AP2B1: variants seen among roughly 807,000 people sequenced by gnomAD.
The protein encoded by AP2B1 is AP-2 complex subunit beta.
AP2B1 carries 23 observed loss-of-function variants against 102.0 expected under a neutral mutation model. The ratio of observed to expected loss-of-function variants is 0.23; its 90% confidence interval spans 0.16 to 0.32. AP2B1 has a LOEUF of 0.32. Among genes scored for constraint, AP2B1 ranks in the 10% least tolerant of loss-of-function variants. The pLI is 1.00. For synonymous variants in AP2B1, 381 were observed against 421.2 expected, an observed-to-expected ratio of 0.90 and a Z score of 1.17; for missense variants, 541 against 1,157.4, an observed-to-expected ratio of 0.47 and a Z score of 7.73.
At chr17:35,588,201 C>T (rs2072963427) in intron 1 of AP2B1, among the ~76,000 whole-genome samples, 1 of 110,304 alleles carries the variant, frequency 9.1e-6, no homozygotes, top group Non-Finnish European at 1.7e-5. Flanking sequence ...TTTGTTCATG[C>T]TGCTTGTTTT....
Position 35,605,758 on chromosome 17 carries a change from A to G in AP2B1, c.197A>G (p.Lys66Arg). The G allele has an allele frequency of 6.2e-7, 1 of 1,614,192 alleles. No individual in the cohort carries two copies. Among genetic ancestry groups the G allele is most frequent in the Non-Finnish European group, 8.5e-7 (1 of 1,179,998 alleles). ...ATGCAGACTGACAATCTGGAACTAA[A>G]GAAGCTTGTGTATCTCTACTTGATG... ...NCMQTDNLEL[K>R]KLVYLYLMNY... is the part of the protein sequence containing the mutation. The change falls in exon 4 of 22, where the codon AAG (lysine) becomes AGG (arginine). Residue 66 changes from lysine (K) to arginine (R), a missense_variant. By Grantham distance (26) the Lys-to-Arg change is conservative. Coordinates refer to ENST00000610402, the MANE Select transcript of AP2B1 (RefSeq NM_001030006.2).
chr17:35,694,427 A>ATTTTTTT lies in AP2B1; in HGVS notation c.2454+11609_2454+11610insTTTTTTT, dbSNP rs1555581002. Among the ~76,000 whole-genome samples the ATTTTTTT allele has an allele frequency of 2.6e-5, 3 of 114,536 alleles. 1 individual carries two copies. 75.1% of individuals were successfully genotyped at this position (114,536 alleles called of 152,430 possible). A position where few individuals can be genotyped will look rare whatever the true frequency, so the allele number is the denominator to read the frequency against. On this transcript the variant is annotated intron_variant, in intron 18 of 21. Transcript: ENST00000610402. ...CCTAGCTGACTTTTTTTTTTTTTTAATTTTTTAATTTTTTGTAGAGTTGAG... is the reference window on the plus strand; with the variant it reads ...CCTAGCTGACTTTTTTTTTTTTTTAATTTTTTTTTTTTTAATTTTTTGTAGAGTTGAG...
At chr17:35,702,530 A>G (rs587741283) in intron 18 of AP2B1, among the ~76,000 whole-genome samples, 19 of 152,282 alleles carry the variant, frequency 1.2e-4, no homozygotes, top group East Asian at 3.9e-4. Context: ...ATTATAGGCA[A>G]TTGCAACTTG....
chr17:35,610,936 G>C (rs1311070024), intron 5 of AP2B1, among the ~76,000 whole-genome samples: 2 of 151,248 alleles, frequency 1.3e-5, no homozygotes, highest in Non-Finnish European at 2.9e-5. Flanking sequence ...TTTGTTGGAC[G>C]TGGTGGTGCA....
At chr17:35,680,686 G>GTTTT (rs1167550201) in intron 17 of AP2B1, among the ~76,000 whole-genome samples, 2,089 of 59,534 alleles carry the variant, frequency 0.035, 93 homozygotes, top group Non-Finnish European at 0.051. Context: ...TATGGTTTTG[G>GTTTT]TTTTTTTTTT....
At chr17:35,613,018 C>CA (rs368991901) in intron 5 of AP2B1, among the ~76,000 whole-genome samples, 1,600 of 143,118 alleles carry the variant, frequency 0.011, 22 homozygotes, top group African/African-American at 0.03. Flanking sequence ...ATGAAAGATA[C>CA]AAAAAAAAAA....
At chr17:35,651,720 A>T (rs937140933) in intron 13 of AP2B1, among the ~76,000 whole-genome samples, 1 of 152,074 alleles carries the variant, frequency 6.6e-6, no homozygotes, top group Non-Finnish European at 1.5e-5. Flanking sequence ...AAAGGAAAAA[A>T]AAAACAGCAA....
intron 20 of AP2B1, 142 bp from the exon 21 acceptor site, chr17:35,717,053 T>A: frequency 1.2e-6 from 1 of 858,854 alleles, no homozygotes; most frequent in Non-Finnish European, 1.8e-6. Flanking sequence ...TGTGGGAGAA[T>A]GGCTTCTGAA....
chr17:35,626,198 G>A (rs144134451), intron 6 of AP2B1, among the ~76,000 whole-genome samples: 10 of 152,234 alleles, frequency 6.6e-5, no homozygotes, highest in African/African-American at 2.2e-4. Flanking sequence ...AACTGCGTTT[G>A]CTGTCTCTTC....
At chr17:35,592,190 A>G (rs766531852) in intron 1 of AP2B1, among the ~76,000 whole-genome samples, 8 of 151,912 alleles carry the variant, frequency 5.3e-5, no homozygotes, top group Non-Finnish European at 1.2e-4. Context: ...ATCCATATTT[A>G]CTATTGTTTG....
intron 5 of AP2B1, among the ~76,000 whole-genome samples, chr17:35,617,014 G>T: frequency 6.6e-6 from 1 of 152,146 alleles, no homozygotes; most frequent in East Asian, 1.9e-4. Flanking sequence ...ACTTAATACT[G>T]GTCCTCATAT....
At chr17:35,595,112 T>C (rs1490447043) in intron 2 of AP2B1, among the ~76,000 whole-genome samples, 4 of 152,236 alleles carry the variant, frequency 2.6e-5, no homozygotes, top group South Asian at 2.1e-4. Flanking sequence ...TATGTCAGTT[T>C]GTTGTCTGTA....
At position 35,657,761 on chromosome 17, in the gene AP2B1, G is replaced by C. The variant is rs377162007; in HGVS notation, c.1959G>C (p.Val653=). Residue 653 remains valine (V), a synonymous_variant, in exon 14 of 22, where the codon GTG becomes GTC. Coordinates refer to ENST00000610402, the MANE Select transcript of AP2B1 (RefSeq NM_001030006.2). ...PQVSSMQMGA[V]DLLGGGLDSL... is the part of the protein sequence containing the mutation. ...TGTCCTCCATGCAGATGGGAGCAGT[G>C]GATCTCCTAGGAGGAGGACTAGATA... The C allele has an allele frequency of 5.9e-5, 95 of 1,613,598 alleles. No individual in the cohort carries two copies. Among genetic ancestry groups the C allele is most frequent in the Non-Finnish European group, 6.5e-5 (77 of 1,179,898 alleles).
intron 20 of AP2B1, among the ~76,000 whole-genome samples, chr17:35,714,086 T>C (rs1285894405): frequency 6.6e-6 from 1 of 152,232 alleles, no homozygotes; most frequent in Non-Finnish European, 1.5e-5. Context: ...ATTAAGTGTT[T>C]ATAATATTAA....
chr17:35,626,540 G>T (rs1350581355), intron 6 of AP2B1, 81 bp from the exon 7 acceptor site: 1 of 1,170,896 alleles, frequency 8.5e-7, no homozygotes, highest in Admixed American at 2.1e-5. Flanking sequence ...TTGGCCATTA[G>T]ACTCTGACAT....
chr17:35,636,544 T>C, intron 10 of AP2B1, 88 bp downstream of exon 10: 1 of 951,222 alleles, frequency 1.1e-6, no homozygotes, highest in African/African-American at 1.6e-5. Flanking sequence ...GAATTACTCT[T>C]TTGAATGTTC....
intron 14 of AP2B1, among the ~76,000 whole-genome samples, chr17:35,664,959 T>C (rs1268598056): frequency 6.6e-6 from 1 of 152,008 alleles, no homozygotes; most frequent in East Asian, 1.9e-4. Context: ...AGAAGCCTTT[T>C]CCCCCCTCAG....
intron 10 of AP2B1, among the ~76,000 whole-genome samples, chr17:35,637,310 A>G (rs2074635496): frequency 6.6e-6 from 1 of 151,920 alleles, no homozygotes; most frequent in Non-Finnish European, 1.5e-5. Context: ...TCAGCTTCCC[A>G]AGTAGCTATG....
At chr17:35,707,457 C>CT (rs35397924) in intron 18 of AP2B1, among the ~76,000 whole-genome samples, 69,342 of 132,200 alleles carry the variant, frequency 0.52, 18,083 homozygotes, top group Admixed American at 0.54. Flanking sequence ...GGCTTCCCCC[C>CT]TTTTTTTTTT....
Sources: gnomAD v4.1 joint callset for allele counts (sites outside exome capture counted in the v4.1 genomes callset) on GRCh38, gnomAD v4.1.1 for gene constraint, MANE v1.5 for transcripts, NCBI Gene and HGNC (gene_info 2026-07-23, HGNC 2026-07-21) for gene names.